Variants in MAGI2 observed in about 807,000 individuals in gnomAD.
MAGI2 encodes membrane associated guanylate kinase, WW and PDZ domain containing 2, also known as membrane-associated guanylate kinase, WW and PDZ domain-containing protein 2.
Under a neutral mutation model 133.3 loss-of-function variants are expected in MAGI2, and 35 were observed. That is an observed-to-expected ratio of 0.26 (90% CI 0.20 to 0.35). MAGI2 has a LOEUF of 0.35. Among genes scored for constraint, MAGI2 ranks in the 10% least tolerant of loss-of-function variants. The pLI is 1.00. For missense variants in MAGI2, 1,636 were observed against 1,863.4 expected (o/e 0.88, Z 2.25); for synonymous variants, 729 against 710.6 (o/e 1.03, Z -0.41).
chr7:79,220,612 A>G (rs931800165), intron 1 of MAGI2, among the ~76,000 whole-genome samples: 3 of 152,042 alleles, frequency 2.0e-5, no homozygotes, highest in Non-Finnish European at 4.4e-5. Flanking sequence ...AACTGGAGGA[A>G]TAACAGAAGA....
chr7:79,390,912 C>A (rs1291168055), intron 1 of MAGI2, among the ~76,000 whole-genome samples: 1 of 152,144 alleles, frequency 6.6e-6, no homozygotes, highest in Non-Finnish European at 1.5e-5. Flanking sequence ...TCTTTTGAGT[C>A]CCCAGCCATC....
At chr7:78,246,832 T>A (rs538344349) in intron 10 of MAGI2, among the ~76,000 whole-genome samples, 2 of 152,088 alleles carry the variant, frequency 1.3e-5, no homozygotes, top group Non-Finnish European at 2.9e-5. Context: ...CCCCTTCTTT[T>A]CTGGAGCCAG....
intron 21 of MAGI2, among the ~76,000 whole-genome samples, chr7:78,046,496 G>T (rs12531371): frequency 0.47 from 70,727 of 151,188 alleles, 16,806 homozygotes; most frequent in African/African-American, 0.54. Context: ...GACCACACAT[G>T]TTGAATTACC....
chr7:79,149,749 C>T (rs1010730891), intron 1 of MAGI2, among the ~76,000 whole-genome samples: 1 of 151,964 alleles, frequency 6.6e-6, no homozygotes, highest in African/African-American at 2.4e-5. Flanking sequence ...GTCATTGCCT[C>T]ATTTCAATTT....
intron 2 of MAGI2, among the ~76,000 whole-genome samples, chr7:78,826,060 G>C (rs1790597927): frequency 6.6e-6 from 1 of 152,086 alleles, no homozygotes; most frequent in East Asian, 1.9e-4. Flanking sequence ...AGTTTTAAGA[G>C]CATATTAATA....
intron 1 of MAGI2, among the ~76,000 whole-genome samples, chr7:79,427,675 C>G (rs1847486247): frequency 6.6e-6 from 1 of 152,210 alleles, no homozygotes; most frequent in East Asian, 1.9e-4. Context: ...ATCAAATACA[C>G]GTAGAAAGTT....
At chr7:78,260,294 A>G (rs1793391821) in intron 9 of MAGI2, among the ~76,000 whole-genome samples, 1 of 152,178 alleles carries the variant, frequency 6.6e-6, no homozygotes, top group Non-Finnish European at 1.5e-5. Flanking sequence ...GACACCTGGT[A>G]TATGTCATCT....
chr7:78,957,264 C>CAAAAAAAAAAAAAAAAAAAA (rs1187620956), intron 2 of MAGI2, among the ~76,000 whole-genome samples: 1 of 42,640 alleles, frequency 2.3e-5, no homozygotes, highest in East Asian at 7.1e-4. Context: ...GACTCCATCT[C>CAAAAAAAAAAAAAAAAAAAA]AAAAAAAAAA....
intron 1 of MAGI2, among the ~76,000 whole-genome samples, chr7:79,033,598 G>T (rs1810818494): frequency 6.6e-6 from 1 of 152,092 alleles, no homozygotes; most frequent in Admixed American, 6.6e-5. Context: ...TATCTACATT[G>T]GCTTGTTATT....
chr7:79,325,788 C>A (rs1839648399), intron 1 of MAGI2, among the ~76,000 whole-genome samples: 1 of 152,112 alleles, frequency 6.6e-6, no homozygotes, highest in African/African-American at 2.4e-5. Flanking sequence ...AATACGCATT[C>A]ACAAGGAAGG....
At chr7:78,515,248 A>G (rs1210278373) in intron 4 of MAGI2, among the ~76,000 whole-genome samples, 3 of 152,192 alleles carry the variant, frequency 2.0e-5, no homozygotes, top group East Asian at 1.9e-4. Flanking sequence ...AAAAAATTCA[A>G]TTGACTTATC....
chr7:79,326,810 T>C (rs768834100), intron 1 of MAGI2, among the ~76,000 whole-genome samples: 1 of 152,128 alleles, frequency 6.6e-6, no homozygotes, highest in Non-Finnish European at 1.5e-5. Flanking sequence ...GGACAGATGT[T>C]CAAGATCAGA....
intron 2 of MAGI2, among the ~76,000 whole-genome samples, chr7:78,828,947 ACTGT>A (rs1203017261): frequency 3.9e-4 from 59 of 152,270 alleles, no homozygotes; most frequent in South Asian, 8.3e-4. Context: ...AGGTTCAAAA[ACTGT>A]CTGTGCAACT....
chr7:78,784,848 T>C (rs1826680368), intron 2 of MAGI2, among the ~76,000 whole-genome samples: 1 of 152,222 alleles, frequency 6.6e-6, no homozygotes, highest in Admixed American at 6.5e-5. Context: ...AACCTGTCTT[T>C]TGTTACAGGA....
At chr7:78,861,060 C>G (rs1349961697) in intron 2 of MAGI2, among the ~76,000 whole-genome samples, 1 of 152,184 alleles carries the variant, frequency 6.6e-6, no homozygotes, top group East Asian at 1.9e-4. Context: ...GGGATATAAT[C>G]TCCTGGTGTG....
chr7:78,076,747 G>C (rs1815352404), intron 21 of MAGI2, among the ~76,000 whole-genome samples: 1 of 147,990 alleles, frequency 6.8e-6, no homozygotes, highest in African/African-American at 2.5e-5. Flanking sequence ...TGGGGAGGCT[G>C]AGGCAGGAGA....
intron 3 of MAGI2, among the ~76,000 whole-genome samples, chr7:78,566,245 C>T (rs975840240): frequency 1.3e-5 from 2 of 152,126 alleles, no homozygotes; most frequent in South Asian, 4.2e-4. Context: ...ACCAATTTTC[C>T]TGAACATTCA....
At chr7:79,072,981 T>G (rs1487421409) in intron 1 of MAGI2, among the ~76,000 whole-genome samples, 1 of 152,116 alleles carries the variant, frequency 6.6e-6, no homozygotes, top group Admixed American at 6.6e-5. Flanking sequence ...GGAAAAAGTA[T>G]GCATTTGACA....
In MAGI2 at chr7:78,924,798, T is replaced by A. The variant is rs531660975; in HGVS notation, c.418+82292A>T. On this transcript the variant is annotated intron_variant, in intron 2 of 21. Coordinates refer to ENST00000354212, the MANE Select transcript of MAGI2 (RefSeq NM_012301.4). ...GTCTTCTCATTTGTTGAACAACAGT[T>A]CCCCCTACTGGAATACTTGCTGAAA... is the stretch of plus-strand genomic sequence containing the variant. Among the ~76,000 whole-genome samples, 6 of 151,892 alleles carry A rather than the reference T, an allele frequency of 4.0e-5. No homozygotes were observed. The East Asian group carries it at 7.8e-4, about 20-fold the overall frequency.
Sources: gnomAD v4.1 joint callset for allele counts (sites outside exome capture counted in the v4.1 genomes callset) on GRCh38, gnomAD v4.1.1 for gene constraint, MANE v1.5 for transcripts, NCBI Gene and HGNC (gene_info 2026-07-23, HGNC 2026-07-21) for gene names.